The following EYS variants were observed in gnomAD, a reference collection of about 807,000 sequenced individuals.
EYS encodes protein eyes shut homolog.
EYS carries 250 observed loss-of-function variants against 282.1 expected under a neutral mutation model. That is an observed-to-expected ratio of 0.89 (90% CI 0.80 to 0.98). EYS has a LOEUF of 0.98. EYS is among the 50% of genes least tolerant of loss of function. The pLI, the probability that EYS is intolerant of heterozygous loss-of-function variation, is 0.00. For synonymous variants in EYS, 1,355 were observed against 1,282.9 expected, an observed-to-expected ratio of 1.06 and a Z score of -1.20; for missense variants, 4,016 against 3,709.0, an observed-to-expected ratio of 1.08 and a Z score of -2.15.
intron 35 of EYS, among the ~76,000 whole-genome samples, chr6:63,979,148 G>A (rs1454449633): frequency 6.6e-6 from 1 of 151,882 alleles, no homozygotes; most frequent in Non-Finnish European, 1.5e-5. Context: ...TAGCCCTTTT[G>A]CCAAATCCTG....
chr6:63,860,393 AC>A, intron 36 of EYS, among the ~76,000 whole-genome samples: 1 of 152,164 alleles, frequency 6.6e-6, no homozygotes, highest in Non-Finnish European at 1.5e-5. Context: ...TAAAGCTTGT[AC>A]TCTCAGCAGT....
chr6:64,169,378 A>T (rs1338724963), intron 31 of EYS, among the ~76,000 whole-genome samples: 1 of 151,882 alleles, frequency 6.6e-6, no homozygotes, highest in Non-Finnish European at 1.5e-5. Context: ...GAGGGGCATT[A>T]TCAATCAATT....
chr6:65,687,343 C>G (rs113463354), intron 1 of EYS, among the ~76,000 whole-genome samples: 8 of 151,960 alleles, frequency 5.3e-5, no homozygotes, highest in Admixed American at 3.9e-4. Context: ...TGGAAATTTC[C>G]AGCTTTAAAT....
intron 30 of EYS, among the ~76,000 whole-genome samples, chr6:64,234,305 T>C (rs1766517722): frequency 6.6e-6 from 1 of 152,158 alleles, no homozygotes; most frequent in South Asian, 2.1e-4. Context: ...CATACTTCAT[T>C]CCACTTTGTC....
At chr6:65,218,833 G>A (rs1305564364) in intron 12 of EYS, among the ~76,000 whole-genome samples, 1 of 152,008 alleles carries the variant, frequency 6.6e-6, no homozygotes, top group African/African-American at 2.4e-5. Context: ...ATAAGGAGTA[G>A]GGCAATCTAT....
At chr6:63,927,542 G>A (rs2149748200) in intron 35 of EYS, among the ~76,000 whole-genome samples, 1 of 152,292 alleles carries the variant, frequency 6.6e-6, no homozygotes, top group African/African-American at 2.4e-5. Flanking sequence ...TTTTTCTGTT[G>A]TGGGCTGAGT....
intron 31 of EYS, among the ~76,000 whole-genome samples, chr6:64,187,837 T>A (rs1415955217): frequency 5.9e-5 from 9 of 151,878 alleles, no homozygotes; most frequent in African/African-American, 9.6e-5. Flanking sequence ...ATTTTTTTTT[T>A]AAATTTCACT....
rs184303357 is a variant in EYS at position 65,566,416 on chromosome 6, A to G, written c.-332-70423T>C. Among the ~76,000 whole-genome samples the G allele has an allele frequency of 4.6e-5, 7 of 152,152 alleles. No homozygotes were observed. In the East Asian group the frequency reaches 1.4e-3, roughly 30 times the overall value. The stretch of plus-strand genomic sequence containing the variant: ...GAAAAAAAAAAGAACAGGAAATAAC[A>G]ATTCTTTAAGAGCCTTGAACCAACA... On this transcript the variant is annotated intron_variant, in intron 2 of 42. Transcript: ENST00000503581.
At chr6:65,236,731 G>T (rs927272218) in intron 12 of EYS, among the ~76,000 whole-genome samples, 1 of 151,974 alleles carries the variant, frequency 6.6e-6, no homozygotes, top group African/African-American at 2.4e-5. Flanking sequence ...CATTTAATAG[G>T]TAGAAACTTT....
intron 33 of EYS, among the ~76,000 whole-genome samples, chr6:64,019,103 A>G (rs1582141671): frequency 6.6e-6 from 1 of 152,098 alleles, no homozygotes; most frequent in East Asian, 1.9e-4. Flanking sequence ...AGAGAATCAG[A>G]GAGAGTGAAT....
intron 39 of EYS, among the ~76,000 whole-genome samples, chr6:63,784,774 C>T (rs1010176247): frequency 6.6e-6 from 1 of 152,098 alleles, no homozygotes; most frequent in African/African-American, 2.4e-5. Flanking sequence ...AACACAAATC[C>T]AAACCATATC....
chr6:64,838,873 A>T (rs1562218891), intron 19 of EYS, among the ~76,000 whole-genome samples: 2 of 151,874 alleles, frequency 1.3e-5, no homozygotes, highest in African/African-American at 4.8e-5. Flanking sequence ...CTATGATACA[A>T]TTTTTTGCAT....
At chr6:64,668,340 C>T (rs928025530) in intron 22 of EYS, among the ~76,000 whole-genome samples, 8 of 151,922 alleles carry the variant, frequency 5.3e-5, no homozygotes, top group South Asian at 2.1e-4. Flanking sequence ...CAGAAAAGTG[C>T]GAATTACCTT....
chr6:64,493,840 A>C (rs1776808577), intron 26 of EYS, among the ~76,000 whole-genome samples: 1 of 151,388 alleles, frequency 6.6e-6, no homozygotes, highest in Admixed American at 6.6e-5. Flanking sequence ...CTCCTCAATT[A>C]AGAACTGCCA....
chr6:64,414,109 G>T (rs1773991685), intron 28 of EYS, among the ~76,000 whole-genome samples: 1 of 152,028 alleles, frequency 6.6e-6, no homozygotes, highest in South Asian at 2.1e-4. Context: ...ATAGTATTTT[G>T]TTACAGCAGC....
chr6:64,671,605 T>G (rs1282488219), intron 22 of EYS, among the ~76,000 whole-genome samples: 1 of 152,180 alleles, frequency 6.6e-6, no homozygotes, highest in African/African-American at 2.4e-5. Context: ...CTGGTTATAT[T>G]TTGTTTTTAA....
chr6:64,389,647 T>C (rs1282876890), intron 28 of EYS, among the ~76,000 whole-genome samples: 1 of 152,182 alleles, frequency 6.6e-6, no homozygotes, highest in East Asian at 1.9e-4. Context: ...AGCCCAAAAA[T>C]ATTTACTATC....
intron 12 of EYS, among the ~76,000 whole-genome samples, chr6:65,104,132 T>C (rs1352159676): frequency 2.0e-5 from 3 of 151,376 alleles, no homozygotes; most frequent in Non-Finnish European, 4.4e-5. Context: ...TCAAAGGAGT[T>C]TATGTTAATA....
At chr6:64,631,047 A>G (rs577673578) in intron 22 of EYS, among the ~76,000 whole-genome samples, 44 of 152,206 alleles carry the variant, frequency 2.9e-4, no homozygotes, top group Non-Finnish European at 4.9e-4. Context: ...GTTAAACACT[A>G]CTACATAATG....
Sources: allele counts gnomAD v4.1 joint callset (sites outside exome capture counted in the v4.1 genomes callset), GRCh38; gene constraint gnomAD v4.1.1; transcripts MANE v1.5; gene names NCBI Gene and HGNC (gene_info 2026-07-23, HGNC 2026-07-21).